The following ARFGEF2 variants were observed in gnomAD, a reference collection of about 807,000 sequenced individuals.
ARFGEF2 encodes the protein ARF guanine nucleotide exchange factor 2.
In ARFGEF2, 74 loss-of-function variants were observed where a neutral mutation model predicts 219.9. That is an observed-to-expected ratio of 0.34 (90% CI 0.28 to 0.41). The LOEUF (loss-of-function observed/expected upper bound fraction) is 0.41, where lower values mean the gene tolerates loss of function less well. Among genes scored for constraint, ARFGEF2 ranks in the 10% least tolerant of loss-of-function variants. ARFGEF2 has a pLI of 1.00. For synonymous variants in ARFGEF2, 733 were observed against 799.2 expected, an observed-to-expected ratio of 0.92 and a Z score of 1.40; for missense variants, 1,743 against 2,218.3, an observed-to-expected ratio of 0.79 and a Z score of 4.30.
chr20:48,982,145 G>C (rs2091299571), intron 14 of ARFGEF2, among the ~76,000 whole-genome samples: 1 of 152,132 alleles, frequency 6.6e-6, no homozygotes. Flanking sequence ...CTTTGATGCT[G>C]GTGACCTACA....
intron 38 of ARFGEF2, among the ~76,000 whole-genome samples, chr20:49,032,740 C>T (rs973359884): frequency 2.6e-5 from 4 of 151,896 alleles, no homozygotes; most frequent in Admixed American, 6.6e-5. Context: ...CACAGACACG[C>T]GCCACTATGC....
chr20:48,994,825 C>T (rs896456020), intron 22 of ARFGEF2, among the ~76,000 whole-genome samples: 1 of 152,168 alleles, frequency 6.6e-6, no homozygotes, highest in Non-Finnish European at 1.5e-5. Flanking sequence ...ACTTTTCTTT[C>T]TATACCTATC....
intron 6 of ARFGEF2, among the ~76,000 whole-genome samples, chr20:48,959,278 A>G (rs1209668946): frequency 2.0e-5 from 3 of 152,028 alleles, no homozygotes; most frequent in East Asian, 3.9e-4. Context: ...AACTGTCACC[A>G]TAATTTTATT....
At position 48,968,361 on chromosome 20, in the gene ARFGEF2, T is replaced by G. The variant is rs905971283; in HGVS notation, c.1060-786T>G. Among the ~76,000 whole-genome samples the G allele has an allele frequency of 7.2e-5, 11 of 152,148 alleles. 1 individual carries two copies. Among genetic ancestry groups the G allele is most frequent in the African/African-American group, 2.4e-4 (10 of 41,440 alleles). On this transcript the variant is annotated intron_variant, in intron 8 of 38. Transcript: ENST00000371917. ...TTTTTTTTAGGTGAAAAAAGTTTAT[T>G]TCGTAATACCTATACTTTGTTACCC...
intron 30 of ARFGEF2, 69 bp downstream of exon 30, chr20:49,014,029 C>G: frequency 6.3e-7 from 1 of 1,599,248 alleles, no homozygotes; most frequent in Non-Finnish European, 8.6e-7. Flanking sequence ...GTATTTGCCT[C>G]TGGGGGCTGC....
At chr20:48,936,758 C>T (rs1049279674) in intron 1 of ARFGEF2, among the ~76,000 whole-genome samples, 1 of 152,138 alleles carries the variant, frequency 6.6e-6, no homozygotes, top group Non-Finnish European at 1.5e-5. Context: ...AACTCCCTAC[C>T]TCAGGTGATC....
At chr20:48,993,125 T>C (rs911241839) in intron 21 of ARFGEF2, among the ~76,000 whole-genome samples, 9 of 152,246 alleles carry the variant, frequency 5.9e-5, no homozygotes, top group African/African-American at 2.2e-4. Context: ...CCATAATACG[T>C]AGAGAATCAA....
At position 48,921,744 on chromosome 20, in the gene ARFGEF2, G is replaced by A; in HGVS notation, c.-146G>A. 6.0e-6 allele frequency: 5 copies of A among 829,452 alleles called. No homozygotes were observed. Among genetic ancestry groups the A allele is most frequent in the Non-Finnish European group, 4.6e-6 (3 of 652,046 alleles). The allele number at this position is 829,452 out of a possible 1,614,324, so 51.4% of individuals were successfully genotyped here. On this transcript the variant is annotated 5_prime_UTR_variant, in exon 1 of 39. Transcript: ENST00000371917. ...ACGTGACGCGCTCCAACATGGCGGC[G>A]CCGTGGGGCCGAGGTGTCGCTTCCT...
rs376223039 is a variant in ARFGEF2, at chr20:49,010,690, A to G, written c.3757+286A>G. The stretch of plus-strand genomic sequence containing the variant: ...AAGCCAGATGAAATTTGAAAGTCAA[A>G]TCAATCCCAAGGCCACTCTAATGAC... On this transcript the variant is annotated intron_variant, in intron 27 of 38. Transcript: ENST00000371917. Among the ~76,000 whole-genome samples, 27 of 152,348 alleles carry G rather than the reference A, an allele frequency of 1.8e-4. No individual in the cohort carries two copies. In the East Asian group the frequency reaches 4.8e-3, roughly 27 times the overall value.
chr20:48,986,788 C>T (rs2091328945), intron 16 of ARFGEF2, among the ~76,000 whole-genome samples: 2 of 152,150 alleles, frequency 1.3e-5, no homozygotes, highest in South Asian at 4.1e-4. Context: ...CAGCCTGGAT[C>T]TCCTGGGCTC....
At chr20:48,943,258 A>G (rs1435012895) in intron 3 of ARFGEF2, among the ~76,000 whole-genome samples, 1 of 152,234 alleles carries the variant, frequency 6.6e-6, no homozygotes, top group South Asian at 2.1e-4. Flanking sequence ...GTGCATGTCT[A>G]CAAATGACCA....
At chr20:48,924,511 CAAA>C (rs11476973) in intron 1 of ARFGEF2, among the ~76,000 whole-genome samples, 4 of 78,432 alleles carry the variant, frequency 5.1e-5, no homozygotes, top group African/African-American at 5.1e-5. Context: ...GACTCTGTCT[CAAA>C]AAAAAAAAAA....
chr20:48,965,694 T>G (rs2091183013), intron 7 of ARFGEF2, among the ~76,000 whole-genome samples, 178 bp from the exon 8 acceptor site: 1 of 152,224 alleles, frequency 6.6e-6, no homozygotes, highest in Non-Finnish European at 1.5e-5. Flanking sequence ...CTCGTAAGGC[T>G]TAAGCATCAC....
intron 3 of ARFGEF2, among the ~76,000 whole-genome samples, chr20:48,951,003 ACT>A (rs1175338845): frequency 6.6e-6 from 1 of 150,778 alleles, no homozygotes; most frequent in African/African-American, 2.4e-5. Context: ...CGCCCCCCTA[ACT>A]CTAGACAACC....
chr20:48,924,337 G>A (rs1053042310), intron 1 of ARFGEF2, among the ~76,000 whole-genome samples: 1 of 151,936 alleles, frequency 6.6e-6, no homozygotes, highest in African/African-American at 2.4e-5. Context: ...GTGAAACCCC[G>A]CCTCTACTAA....
rs181092352 is a variant in ARFGEF2, at chr20:49,033,226, G to C, written c.*27G>C. 22 of 1,613,546 alleles carry C rather than the reference G, an allele frequency of 1.4e-5. No homozygotes were observed. In the Admixed American group the frequency reaches 3.7e-4, roughly 27 times the overall value. On this transcript the variant is annotated 3_prime_UTR_variant, in exon 39 of 39. Transcript: ENST00000371917. ...CCTGGCTGCCCAGGCCAGTGCTGCA[G>C]CTCTGCAGAATGTTCAGCATGCCAT...
chr20:48,969,277 A>G lies in ARFGEF2; in HGVS notation c.1190A>G (p.Lys397Arg). The change falls in exon 9 of 39, where the codon AAA becomes AGA. Residue 397 changes from lysine to arginine, a missense_variant and splice_region_variant. Coordinates refer to ENST00000371917, the MANE Select transcript of ARFGEF2 (RefSeq NM_006420.3). ...KPLGEGPPDP[K>R]SHELRSKVVS... is the part of the protein sequence containing the mutation. ...CTTGGTGAAGGCCCTCCAGACCCAA[A>G]GTAAGCAGACAGCAGTTCTTGGCCA... 1.2e-6 allele frequency: 2 copies of G among 1,614,220 alleles called. No homozygotes were observed. Among genetic ancestry groups the G allele is most frequent in the Non-Finnish European group, 8.5e-7 (1 of 1,180,014 alleles).
chr20:48,968,262 G>C (rs984853484), intron 8 of ARFGEF2, among the ~76,000 whole-genome samples: 2 of 151,916 alleles, frequency 1.3e-5, no homozygotes. Context: ...CAAAGTGCTG[G>C]GATTACAGGC....
At chr20:48,992,499 G>A (rs2091362647) in intron 21 of ARFGEF2, among the ~76,000 whole-genome samples, 1 of 152,184 alleles carries the variant, frequency 6.6e-6, no homozygotes, top group Admixed American at 6.5e-5. Context: ...GGCAACTGGG[G>A]TCTGATTTGG....
Sources: allele counts gnomAD v4.1 joint callset (sites outside exome capture counted in the v4.1 genomes callset), GRCh38; gene constraint gnomAD v4.1.1; transcripts MANE v1.5; gene names NCBI Gene and HGNC (gene_info 2026-07-23, HGNC 2026-07-21).